Variants in PROM2 observed in about 807,000 individuals in gnomAD.
PROM2 encodes prominin-2.
PROM2 carries 90 observed loss-of-function variants against 110.2 expected under a neutral mutation model. That is an observed-to-expected ratio of 0.82 (90% CI 0.69 to 0.97). The LOEUF (loss-of-function observed/expected upper bound fraction) is 0.97. Among genes scored for constraint, PROM2 ranks in the 50% least tolerant of loss-of-function variants. PROM2 has a pLI of 0.00. For missense variants in PROM2, 1,009 were observed against 1,074.8 expected (o/e 0.94, Z 0.86); for synonymous variants, 470 against 467.8 (o/e 1.00, Z -0.06).
At chr2:95,285,967 A>G (rs1677334453) in intron 16 of PROM2, among the ~76,000 whole-genome samples, 1 of 152,182 alleles carries the variant, frequency 6.6e-6, no homozygotes, top group Non-Finnish European at 1.5e-5. Context: ...TGTTGGGTGG[A>G]CTGTCCTCCA....
intron 11 of PROM2, among the ~76,000 whole-genome samples, 196 bp downstream of exon 11, chr2:95,280,193 C>T (rs189646951): frequency 6.6e-6 from 1 of 152,254 alleles, no homozygotes; most frequent in Admixed American, 6.5e-5. Flanking sequence ...CTAATGGGCA[C>T]TCCTTACCCT....
Position 95,278,874 on chromosome 2 carries a change from C to T in PROM2, c.1114+90C>T, listed in dbSNP as rs548655116. 9.2e-5 allele frequency: 148 copies of T among 1,603,380 alleles called. 2 individuals are homozygous for T. The South Asian group carries it at 1.5e-3, about 16-fold the overall frequency. On this transcript the variant is annotated intron_variant, in intron 9 of 23. Coordinates refer to ENST00000317620, the MANE Select transcript of PROM2 (RefSeq NM_001165978.3). ...GCTTGTTGAGAGAGGACTGGGGTGG[C>T]GGGGGACTGTCTTCCCTCTGTGGTT...
chr2:95,277,613 G>C, intron 7 of PROM2, 47 bp downstream of exon 7: 1 of 1,472,134 alleles, frequency 6.8e-7, no homozygotes, highest in Non-Finnish European at 9.0e-7. Context: ...AGGGCTAGCT[G>C]CCTGCTGCTC....
intron 6 of PROM2, 101 bp downstream of exon 6, chr2:95,277,162 C>A: frequency 1.6e-6 from 2 of 1,216,822 alleles, no homozygotes; most frequent in Non-Finnish European, 2.3e-6. Context: ...CCACCTCTGC[C>A]CCACCTGTGA....
intron 18 of PROM2, 82 bp downstream of exon 18, chr2:95,286,939 A>G: frequency 1.3e-6 from 2 of 1,490,768 alleles, no homozygotes; most frequent in Non-Finnish European, 1.9e-6. Context: ...CTCACTCTGC[A>G]CCTCAGAGCT....
At chr2:95,281,799 G>A in intron 12 of PROM2, 126 bp from the exon 13 acceptor site, 1 of 712,062 alleles carries the variant, frequency 1.4e-6, no homozygotes, top group East Asian at 2.6e-5. Flanking sequence ...TGTGAGCTGG[G>A]GTGAGGGGAT....
intron 8 of PROM2, 191 bp downstream of exon 8, chr2:95,278,195 C>A: frequency 1.7e-6 from 1 of 604,824 alleles, no homozygotes. Context: ...GAGAGCTGGG[C>A]CCTTCAAGGC....
At chr2:95,285,596 G>A in intron 15 of PROM2, 43 bp from the exon 16 acceptor site, 3 of 1,524,126 alleles carry the variant, frequency 2.0e-6, no homozygotes, top group Non-Finnish European at 2.7e-6. Context: ...GGGCCCCAGG[G>A]GAGCTGGGTT....
intron 11 of PROM2, 75 bp downstream of exon 11, chr2:95,280,072 T>C: frequency 7.7e-7 from 1 of 1,305,634 alleles, no homozygotes; most frequent in South Asian, 2.2e-5. Context: ...TGAGCATAGC[T>C]CCCGGTGTGG....
At chr2:95,277,719 G>A in intron 7 of PROM2, 153 bp downstream of exon 7, 4 of 840,256 alleles carry the variant, frequency 4.8e-6, no homozygotes, top group Non-Finnish European at 7.2e-6. Context: ...AGTGGGTGGA[G>A]TGCTCCCCAG....
Position 95,275,450 on chromosome 2 carries a change from C to G in PROM2, c.245-11C>G, listed in dbSNP as rs778914189. 1.1e-5 allele frequency: 18 copies of G among 1,610,234 alleles called. No individual in the cohort carries two copies. Among genetic ancestry groups the G allele is most frequent in the Middle Eastern group, 3.3e-4 (2 of 6,070 alleles). On this transcript the variant is annotated splice_polypyrimidine_tract_variant and intron_variant, in intron 1 of 23. Coordinates refer to ENST00000317620, the MANE Select transcript of PROM2 (RefSeq NM_001165978.3). This position sits in a 1 kb window ranked among gnomAD's most constrained non-coding sequence, Gnocchi z 4.4. Reference sequence around the variant, plus strand: ...CTGTCCCCAAATCCTCAGCTTGGCTCTTTCCCATAGAGTTGGTAAAGGCCC... The same window carrying G: ...CTGTCCCCAAATCCTCAGCTTGGCTGTTTCCCATAGAGTTGGTAAAGGCCC...
At chr2:95,289,150 C>T in intron 23 of PROM2, 74 bp from the exon 24 acceptor site, 1 of 673,238 alleles carries the variant, frequency 1.5e-6, no homozygotes. Context: ...GGGTGTGGCC[C>T]ATCCAGCAGT....
chr2:95,284,685 C>T (rs1452265113), intron 14 of PROM2, among the ~76,000 whole-genome samples: 5 of 151,862 alleles, frequency 3.3e-5, no homozygotes, highest in East Asian at 1.9e-4. Flanking sequence ...AGAGAGCCAA[C>T]GCAGAGGTGC....
rs750616286 is a variant in PROM2, at chr2:95,286,484, T to C, written c.1953T>C (p.Asn651=). The C allele has an allele frequency of 6.2e-7, 1 of 1,613,274 alleles. No individual in the cohort carries two copies. Among genetic ancestry groups the C allele is most frequent in the Non-Finnish European group, 8.5e-7 (1 of 1,179,674 alleles). ...ELQGLAQAQD[N]SVLGQRLQEE... ...TGATTTTTGTATCCTTTCAGGACAA[T>C]TCTGTGCTGGGGCAGCGGCTGCAGG... The change falls in exon 17 of 24, where the codon AAT becomes AAC. Residue 651 remains asparagine, a synonymous_variant. Coordinates refer to ENST00000317620, the MANE Select transcript of PROM2 (RefSeq NM_001165978.3).
intron 22 of PROM2, 146 bp from the exon 23 acceptor site, chr2:95,288,787 A>G: frequency 1.1e-6 from 1 of 882,928 alleles, no homozygotes; most frequent in South Asian, 1.5e-5. Context: ...TTCTTGCTGC[A>G]TCCATTTGGG....
intron 8 of PROM2, chr2:95,278,300 C>T (rs1229528793): frequency 9.2e-6 from 5 of 543,370 alleles, no homozygotes; most frequent in South Asian, 4.5e-5. Flanking sequence ...GGGGAGGATG[C>T]GGTGTTGTGA....
Position 95,287,140 on chromosome 2 carries a change from C to T in PROM2, c.2102C>T (p.Thr701Ile), listed in dbSNP as rs373064953. ...ESSAPNLQLE[T>I]SDVLANVTYL... ...GGCTCTCGTCCCCTCCAGCTGGAGA[C>T]CTCAGATGTCCTAGCCAATGTCACC... Residue 701 changes from threonine to isoleucine, a missense_variant, in exon 19 of 24, where the codon ACC (threonine) becomes ATC (isoleucine). Transcript: ENST00000317620. 44 of 1,613,770 alleles carry T rather than the reference C, an allele frequency of 2.7e-5. No individual in the cohort carries two copies. Among genetic ancestry groups the T allele is most frequent in the Non-Finnish European group, 3.2e-5 (38 of 1,179,954 alleles).
chr2:95,286,822 G>A lies in PROM2; in HGVS notation c.2059G>A (p.Val687Ile), dbSNP rs202017454. 6.1e-5 allele frequency: 99 copies of A among 1,613,600 alleles called. No homozygotes were observed. The Admixed American group carries it at 7.2e-4, about 12-fold the overall frequency. The change falls in exon 18 of 24, where the codon GTC (valine) becomes ATC (isoleucine). Residue 687 changes from valine to isoleucine, a missense_variant. Coordinates refer to ENST00000317620, the MANE Select transcript of PROM2 (RefSeq NM_001165978.3). ...QSLVAKLNLSVRALESSAPNL... is the reference protein window; with the variant it reads ...QSLVAKLNLSIRALESSAPNL... ...TCCACAGGCAAAGCTCAACCTCAGC[G>A]TCAGGGCCCTGGAGTCCTCTGCCCC... is the stretch of plus-strand genomic sequence containing the variant.
At chr2:95,279,435 T>C (rs1676904626) in intron 10 of PROM2, among the ~76,000 whole-genome samples, 1 of 152,050 alleles carries the variant, frequency 6.6e-6, no homozygotes. Flanking sequence ...TAGCTGGGAC[T>C]ACAGGCGTGC....
Sources: gnomAD v4.1 joint callset for allele counts (sites outside exome capture counted in the v4.1 genomes callset) on GRCh38, gnomAD v4.1.1 for gene constraint, Gnocchi (gnomAD v3.1) non-coding constraint, MANE v1.5 for transcripts, NCBI Gene and HGNC (gene_info 2026-07-23, HGNC 2026-07-21) for gene names.